ANKUB1: variants seen among roughly 807,000 people sequenced by gnomAD.
ANKUB1 encodes ankyrin repeat and ubiquitin domain containing 1.
In ANKUB1, 42 loss-of-function variants were observed where a neutral mutation model predicts 49.3. That is an observed-to-expected ratio of 0.85 (90% confidence interval 0.67 to 1.10). ANKUB1 has a LOEUF of 1.10. Among genes scored for constraint, ANKUB1 ranks in the 50% least tolerant of loss-of-function variants. The pLI, the probability that ANKUB1 is intolerant of heterozygous loss-of-function variation, is 0.00. For missense variants in ANKUB1, 613 were observed against 642.0 expected, an observed-to-expected ratio of 0.95 and a Z score of 0.49; for synonymous variants, 222 against 231.0, an observed-to-expected ratio of 0.96 and a Z score of 0.35.
In ANKUB1 at chr3:149,767,339, TA is replaced by T; in HGVS notation, c.1322del (p.Ile441LysfsTer35). 6.5e-7 allele frequency: 1 copy of T among 1,550,302 alleles called. No homozygotes were observed. Among genetic ancestry groups the T allele is most frequent in the Non-Finnish European group, 8.7e-7 (1 of 1,146,740 alleles). On this transcript the variant is annotated frameshift_variant, in exon 5 of 6. Transcript: ENST00000446160. LOFTEE classifies it high-confidence loss of function. ...GGACTTGGGGAAGATATGTGTTTTT[TA>T]TGAGCTTTTCTTTTTTCCTAGCTGT... is the stretch of plus-strand genomic sequence containing the variant. ...TATARKKEKL[I>X]KNTYLPQVPL...
At chr3:149,772,087 C>A (rs546512282) in intron 3 of ANKUB1, among the ~76,000 whole-genome samples, 2 of 148,474 alleles carry the variant, frequency 1.3e-5, no homozygotes, top group South Asian at 4.2e-4. Flanking sequence ...TGCAGTGGCA[C>A]AATCTTGGCT....
intron 3 of ANKUB1, among the ~76,000 whole-genome samples, chr3:149,777,497 C>CA (rs111357592): frequency 2.3e-4 from 35 of 151,566 alleles, no homozygotes; most frequent in African/African-American, 6.5e-4. Context: ...ACAACAACAA[C>CA]AACAAAAAAA....
intron 2 of ANKUB1, among the ~76,000 whole-genome samples, chr3:149,781,642 GC>G (rs925703912): frequency 2.6e-5 from 4 of 151,854 alleles, no homozygotes; most frequent in Non-Finnish European, 5.9e-5. Flanking sequence ...TTCCTCCAGG[GC>G]CCCCCCAGTC....
At position 149,767,369 on chromosome 3, in the gene ANKUB1, A is replaced by G. The variant is rs770854817; in HGVS notation, c.1293T>C (p.Thr431=). The change falls in exon 5 of 6, where the codon ACT becomes ACC. Residue 431 remains threonine, a synonymous_variant. Transcript: ENST00000446160. ...KHQQQNQKKI[T]ATARKKEKLI... ...GCTTTTCTTTTTTCCTAGCTGTGGC[A>G]GTAATTTTTTTCTGATTTTGTTGTT... The G allele has an allele frequency of 8.4e-6, 13 of 1,550,804 alleles. No homozygotes were observed. The highest frequency in any genetic ancestry group is 2.0e-5 in the Admixed American group (1 of 50,798).
chr3:149,783,458 A>G (rs1032626182), intron 2 of ANKUB1: 3 of 152,394 alleles, frequency 2.0e-5, no homozygotes, highest in Non-Finnish European at 4.4e-5. Flanking sequence ...TTACTTTTCA[A>G]TAAAAACAAA....
rs182267308 is a variant in ANKUB1, at chr3:149,767,425, C to A, written c.1237G>T (p.Ala413Ser). 3.2e-5 allele frequency: 49 copies of A among 1,551,710 alleles called. No individual in the cohort carries two copies. The East Asian group carries it at 1.2e-3, about 38-fold the overall frequency. Residue 413 changes from alanine to serine, a missense_variant, in exon 5 of 6, where the codon GCA (alanine) becomes TCA (serine). Physicochemically the swap from Ala to Ser is moderately conservative, Grantham distance 99. Transcript: ENST00000446160. ...QALKFHPLVN[A>S]SSFSELQKHQ... is the part of the protein sequence containing the mutation. ...TTTTGTAATTCAGAGAATGAACTTG[C>A]ATTCACCAGTGGATGAAATTTGAGG...
intron 2 of ANKUB1, chr3:149,782,986 CATAA>C (rs1327636887): frequency 6.6e-6 from 1 of 152,010 alleles, no homozygotes; most frequent in Non-Finnish European, 1.5e-5. Flanking sequence ...CTTTTTATCA[CATAA>C]ATAAATAATA....
chr3:149,782,620 C>T (rs1398887384), intron 2 of ANKUB1, among the ~76,000 whole-genome samples: 4 of 152,152 alleles, frequency 2.6e-5, no homozygotes, highest in African/African-American at 9.7e-5. Flanking sequence ...TATCAGAGCT[C>T]ACAGTAACCT....
intron 2 of ANKUB1, among the ~76,000 whole-genome samples, chr3:149,782,526 G>A (rs1717915504): frequency 6.6e-6 from 1 of 152,078 alleles, no homozygotes; most frequent in Non-Finnish European, 1.5e-5. Context: ...TCTGGAACAA[G>A]TAATAAGGGA....
At chr3:149,791,781 G>A (rs1327613316) in intron 1 of ANKUB1, among the ~76,000 whole-genome samples, 1 of 152,196 alleles carries the variant, frequency 6.6e-6, no homozygotes, top group African/African-American at 2.4e-5. Flanking sequence ...TCCTAGGTAA[G>A]ATAGTCAACC....
chr3:149,781,001 C>CTT (rs370353150), intron 2 of ANKUB1, among the ~76,000 whole-genome samples: 1,409 of 132,794 alleles, frequency 0.011, 33 homozygotes, highest in East Asian at 0.085. Flanking sequence ...GTCTGTCTTC[C>CTT]TTTTTTTTTT....
At chr3:149,762,084 T>G (rs1467015714) in intron 5 of ANKUB1, among the ~76,000 whole-genome samples, 2 of 152,230 alleles carry the variant, frequency 1.3e-5, no homozygotes, top group African/African-American at 4.8e-5. Flanking sequence ...TAATAAAGAC[T>G]TGCAAATTTG....
intron 5 of ANKUB1, among the ~76,000 whole-genome samples, chr3:149,766,464 GAAGAAGAGGAAGACA>G (rs1717018056): frequency 6.6e-6 from 1 of 152,058 alleles, no homozygotes; most frequent in Non-Finnish European, 1.5e-5. Context: ...AGCTTTAGAA[GAAGAAGAGGAAGACA>G]AAGAAGTGGA....
intron 3 of ANKUB1, among the ~76,000 whole-genome samples, chr3:149,775,077 A>G (rs1214757975): frequency 1.3e-5 from 2 of 152,208 alleles, no homozygotes; most frequent in Non-Finnish European, 2.9e-5. Context: ...GGATCTGTCC[A>G]TTCTGTGCTT....
chr3:149,773,304 G>T, intron 3 of ANKUB1, among the ~76,000 whole-genome samples: 1 of 152,080 alleles, frequency 6.6e-6, no homozygotes, highest in East Asian at 1.9e-4. Flanking sequence ...CTCTGGTTTG[G>T]ATTTCTTGAC....
intron 2 of ANKUB1, among the ~76,000 whole-genome samples, chr3:149,787,659 C>T (rs914878353): frequency 3.3e-5 from 5 of 152,112 alleles, no homozygotes. Flanking sequence ...TCTTGTATTA[C>T]CCTTATTTCC....
intron 3 of ANKUB1, among the ~76,000 whole-genome samples, chr3:149,775,626 T>C (rs1323962933): frequency 6.6e-6 from 1 of 152,198 alleles, no homozygotes; most frequent in Non-Finnish European, 1.5e-5. Context: ...CAGCCATGAA[T>C]ATATCCTATG....
At chr3:149,764,593 TTCCTTCCTC>T (rs1559860467) in intron 5 of ANKUB1, among the ~76,000 whole-genome samples, 13 of 104,396 alleles carry the variant, frequency 1.2e-4, no homozygotes, top group African/African-American at 5.0e-4. Context: ...CCTCCCTCCC[TTCCTTCCTC>T]CCTCCCTCCC....
rs6775586 is a variant in ANKUB1 at position 149,776,477 on chromosome 3, T to G, written c.451+3762A>C. On this transcript the variant is annotated intron_variant, in intron 3 of 5. Coordinates refer to ENST00000446160, the MANE Select transcript of ANKUB1 (RefSeq NM_001144960.3). ...TCAAGCACTAGCACCATGTTTGCAG[T>G]AAAGGGAAATTAGAAGACTTCAGTT... Among the ~76,000 whole-genome samples the G allele has an allele frequency of 1.2e-3, 188 of 152,236 alleles. 1 individual carries two copies. Among genetic ancestry groups the G allele is most frequent in the African/African-American group, 4.2e-3 (173 of 41,524 alleles).
Sources: gnomAD v4.1 joint callset for allele counts (sites outside exome capture counted in the v4.1 genomes callset) on GRCh38, gnomAD v4.1.1 for gene constraint, MANE v1.5 for transcripts, NCBI Gene and HGNC (gene_info 2026-07-23, HGNC 2026-07-21) for gene names.